Variants in PLXNA1 observed in about 807,000 individuals in gnomAD.
The protein encoded by PLXNA1 is plexin A1.
A neutral mutation model predicts 191.7 loss-of-function variants in PLXNA1; 77 were observed. That is an observed-to-expected ratio of 0.40 (90% CI 0.33 to 0.49). The LOEUF (loss-of-function observed/expected upper bound fraction) is 0.49. Ranked by LOEUF, PLXNA1 falls within the 20% of genes least tolerant of loss-of-function variation. The pLI is 0.63. For missense variants in PLXNA1, 2,110 were observed against 2,660.2 expected (o/e 0.79, Z 4.55); for synonymous variants, 1,137 against 1,156.4 (o/e 0.98, Z 0.34).
At chr3:126,991,623 C>T (rs1559953879) in intron 3 of PLXNA1, 57 bp downstream of exon 3, 15 of 1,484,644 alleles carry the variant, frequency 1.0e-5, no homozygotes, top group Admixed American at 4.3e-5. Flanking sequence ...CAAAGGCTTG[C>T]GGCCGTCCCA....
At position 127,016,701 on chromosome 3, in the gene PLXNA1, C is replaced by T. The variant is rs2079125503; in HGVS notation, c.3182+17C>T. On this transcript the variant is annotated intron_variant, in intron 16 of 31. Coordinates refer to ENST00000393409, the MANE Select transcript of PLXNA1 (RefSeq NM_032242.4). ...CATCAACAGGTGGGGCCCAGCAACA[C>T]CCATTCCCTATCCCCAGCTATTGAG... 6.2e-7 allele frequency: 1 copy of T among 1,613,368 alleles called. No individual in the cohort carries two copies. The highest frequency in any genetic ancestry group is 1.7e-5 in the Admixed American group (1 of 60,000).
rs2079107897 is a variant in PLXNA1, at chr3:127,013,908, T to TGGCTGCAGAAACTTCCCCCGG, written c.2314-93_2314-92insGGGGCTGCAGAAACTTCCCCC. 4 of 892,432 alleles carry TGGCTGCAGAAACTTCCCCCGG rather than the reference T, an allele frequency of 4.5e-6. No individual in the cohort carries two copies. In the East Asian group the frequency reaches 9.7e-5, roughly 22 times the overall value. The allele number at this position is 892,432 out of a possible 1,614,324, so 55.3% of individuals were successfully genotyped here. A position where few individuals can be genotyped will look rare whatever the true frequency, so the allele number is the denominator to read the frequency against. The stretch of plus-strand genomic sequence containing the variant: ...GATGAGGGTGGAGAGGGAGCGGTTG[T>TGGCTGCAGAAACTTCCCCCGG]GGCTGCAGAAACTTCCCCCTAAGCT... On this transcript the variant is annotated intron_variant, in intron 10 of 31. Transcript: ENST00000393409.
chr3:126,997,007 C>G (rs970107460), intron 3 of PLXNA1, among the ~76,000 whole-genome samples: 3 of 152,196 alleles, frequency 2.0e-5, no homozygotes, highest in African/African-American at 4.8e-5. Context: ...CTTCCCTTCC[C>G]AGGGTGACCG....
chr3:127,002,592 ACAGCCCG>A (rs2079046394), intron 3 of PLXNA1, among the ~76,000 whole-genome samples: 1 of 152,226 alleles, frequency 6.6e-6, no homozygotes, highest in Non-Finnish European at 1.5e-5. Context: ...GAAGCAGGCC[ACAGCCCG>A]CAGCCTGAGA....
chr3:127,033,843 C>A, intron 31 of PLXNA1, 79 bp from the exon 32 acceptor site: 1 of 1,254,698 alleles, frequency 8.0e-7, no homozygotes, highest in Non-Finnish European at 1.1e-6. Context: ...GGCACCTACT[C>A]TGGAGGCATC....
rs11714405 is a variant in PLXNA1 at position 127,034,723 on chromosome 3, C to T, written c.*706C>T. The T allele has an allele frequency of 0.1, 15,739 of 152,804 alleles. 905 individuals carry two copies. Among genetic ancestry groups the T allele is most frequent in the Middle Eastern group, 0.23 (68 of 294 alleles). 9.5% of individuals were successfully genotyped at this position (152,804 alleles called of 1,614,324 possible). A position where few individuals can be genotyped will look rare whatever the true frequency, so the allele number is the denominator to read the frequency against. ...GGCTGTGGGCCAGGCTGCTCAGACT[C>T]CTGGGTGGCTTCCAGACGGACCGGG... On this transcript the variant is annotated 3_prime_UTR_variant, in exon 32 of 32. Coordinates refer to ENST00000393409, the MANE Select transcript of PLXNA1 (RefSeq NM_032242.4).
chr3:127,011,614 C>G (rs1303207943), intron 9 of PLXNA1, among the ~76,000 whole-genome samples: 1 of 152,222 alleles, frequency 6.6e-6, no homozygotes, highest in Non-Finnish European at 1.5e-5. Context: ...TTTATACACT[C>G]CCTGGGCCCC....
At chr3:126,992,102 G>A (rs1361792534) in intron 3 of PLXNA1, among the ~76,000 whole-genome samples, 4 of 152,164 alleles carry the variant, frequency 2.6e-5, no homozygotes, top group African/African-American at 9.7e-5. Context: ...ACAGCCCTGG[G>A]CTGGCCCCAC....
At chr3:127,010,648 T>C (rs1475288795) in intron 9 of PLXNA1, among the ~76,000 whole-genome samples, 4 of 152,040 alleles carry the variant, frequency 2.6e-5, no homozygotes, top group Non-Finnish European at 5.9e-5. Flanking sequence ...GCCCACACGC[T>C]CACACTGGTG....
At position 127,003,340 on chromosome 3, in the gene PLXNA1, A is replaced by C. The variant is rs760119954; in HGVS notation, c.1388A>C (p.Asp463Ala). 6.3e-7 allele frequency: 1 copy of C among 1,599,672 alleles called. No individual in the cohort carries two copies. The highest frequency in any genetic ancestry group is 8.5e-7 in the Non-Finnish European group (1 of 1,170,236). ...RSGRIRKILV[D>A]LSNPGGRPAL... ...CCCTTGCTGCCGCAGATCCTGGTGG[A>C]CCTCTCAAACCCCGGTGGCCGGCCT... Residue 463 changes from aspartate (D) to alanine (A), a missense_variant, in exon 4 of 32, where the codon GAC (aspartate) becomes GCC (alanine). This residue lies in a region of PLXNA1 where 903 missense variants were observed against 1,015.7 expected (regional missense o/e 0.89). Transcript: ENST00000393409.
At chr3:127,019,644 G>A (rs541747804) in intron 20 of PLXNA1, among the ~76,000 whole-genome samples, 1 of 152,352 alleles carries the variant, frequency 6.6e-6, no homozygotes, top group Non-Finnish European at 1.5e-5. Flanking sequence ...TTTGGCTTCT[G>A]ATCAGATAGC....
intron 29 of PLXNA1, chr3:127,031,839 T>C: frequency 6.1e-6 from 1 of 163,990 alleles, no homozygotes; most frequent in Non-Finnish European, 1.3e-5. Context: ...TCCAGGGTGG[T>C]GGCTCCTGAG....
chr3:126,999,734 T>C (rs962281727), intron 3 of PLXNA1, among the ~76,000 whole-genome samples: 96 of 152,154 alleles, frequency 6.3e-4, no homozygotes, highest in Non-Finnish European at 1.1e-3. Flanking sequence ...GGGGCCTGCA[T>C]TGAGCCCTGC....
intron 21 of PLXNA1, among the ~76,000 whole-genome samples, chr3:127,020,842 C>T (rs1256463150): frequency 6.6e-6 from 1 of 152,236 alleles, no homozygotes; most frequent in Non-Finnish European, 1.5e-5. Flanking sequence ...CTGATGAAGT[C>T]TGCTATGGCG....
intron 2 of PLXNA1, among the ~76,000 whole-genome samples, chr3:126,991,032 C>T (rs1368873934): frequency 6.6e-6 from 1 of 152,180 alleles, no homozygotes; most frequent in African/African-American, 2.4e-5. Context: ...CCAATGAACC[C>T]TCTGCAGACA....
At chr3:127,001,393 C>T (rs1305238933) in intron 3 of PLXNA1, among the ~76,000 whole-genome samples, 1 of 152,164 alleles carries the variant, frequency 6.6e-6, no homozygotes, top group African/African-American at 2.4e-5. Context: ...CATGCCGGGC[C>T]AGGGTCCATC....
chr3:126,995,907 C>T (rs1033889598), intron 3 of PLXNA1, among the ~76,000 whole-genome samples: 10 of 152,294 alleles, frequency 6.6e-5, no homozygotes, highest in Admixed American at 6.5e-4. Context: ...GAGCTGACCC[C>T]GATGAGCCAT....
Position 126,989,262 on chromosome 3 carries a change from G to A in PLXNA1, c.669G>A (p.Glu223=), listed in dbSNP as rs2078977303. 1.9e-6 allele frequency: 3 copies of A among 1,613,590 alleles called. No homozygotes were observed. Among genetic ancestry groups the A allele is most frequent in the Admixed American group, 1.7e-5 (1 of 60,016 alleles). ...TGTTCGGCTTCGTGTACCAGGATGA[G>A]TTTGTGTCATCACAGCTCAAGATCC... The part of the protein sequence containing the change: ...ADMFGFVYQD[E]FVSSQLKIPS... Residue 223 remains glutamate (E), a synonymous_variant, in exon 2 of 32, where the codon GAG becomes GAA. Coordinates refer to ENST00000393409, the MANE Select transcript of PLXNA1 (RefSeq NM_032242.4).
chr3:127,002,415 C>T (rs1320977213), intron 3 of PLXNA1, among the ~76,000 whole-genome samples: 4 of 152,250 alleles, frequency 2.6e-5, no homozygotes, highest in African/African-American at 4.8e-5. Flanking sequence ...CCTGATGGAT[C>T]GGACTCCAAC....
Sources: allele counts gnomAD v4.1 joint callset (sites outside exome capture counted in the v4.1 genomes callset), GRCh38; gene constraint gnomAD v4.1.1; regional missense constraint gnomAD v4.1.1; transcripts MANE v1.5; gene names NCBI Gene and HGNC (gene_info 2026-07-23, HGNC 2026-07-21).